ITPR3: variants seen among roughly 807,000 people sequenced by gnomAD.
ITPR3 encodes inositol 1,4,5-trisphosphate receptor type 3.
ITPR3 carries 173 observed loss-of-function variants against 293.2 expected under a neutral mutation model. That is an observed-to-expected ratio of 0.59 (90% CI 0.52 to 0.67). ITPR3 has a LOEUF of 0.67. ITPR3 is among the 30% of genes least tolerant of loss of function. The pLI, the probability that ITPR3 is intolerant of heterozygous loss-of-function variation, is 0.00. For missense variants in ITPR3, 2,796 were observed against 3,592.1 expected (o/e 0.78, Z 5.66); for synonymous variants, 1,295 against 1,444.4 (o/e 0.90, Z 2.35).
rs887942750 is a variant in ITPR3, at chr6:33,669,220, A to G, written c.2189+64A>G. 5.2e-6 allele frequency: 8 copies of G among 1,525,150 alleles called. No homozygotes were observed. The African/African-American group carries it at 1.1e-4, about 21-fold the overall frequency. The allele number at this position is 1,525,150 out of a possible 1,614,324, so 94.5% of individuals were successfully genotyped here. On this transcript the variant is annotated intron_variant, in intron 18 of 57. Transcript: ENST00000605930. ...CTTTGGGCCTTCTCAGTAGGCCGTC[A>G]GTCAATCCCTGCTGAGGATGAGCTC...
chr6:33,663,368 T>C, intron 9 of ITPR3, 132 bp from the exon 10 acceptor site: 1 of 785,912 alleles, frequency 1.3e-6, no homozygotes, highest in East Asian at 2.7e-5. Context: ...TGGAATGATA[T>C]GGGCACCCCT....
Position 33,658,062 on chromosome 6 carries a change from TAAGAGG to T in ITPR3, c.369+45_369+50del. On this transcript the variant is annotated intron_variant, in intron 4 of 57. Transcript: ENST00000605930. The surrounding 1 kb of genome is among the most constrained non-coding windows in gnomAD (Gnocchi z 6.1). ...TCTCCCGCCTGCCCCTCTCCCTGCCTAAGAGGCTGGGCTGGTGCTGGGTGAGGGCTG... is the reference window on the plus strand; with the variant it reads ...TCTCCCGCCTGCCCCTCTCCCTGCCTCTGGGCTGGTGCTGGGTGAGGGCTG... 1 of 1,552,962 alleles carries T rather than the reference TAAGAGG, an allele frequency of 6.4e-7. No homozygotes were observed. The highest frequency in any genetic ancestry group is 8.9e-7 in the Non-Finnish European group (1 of 1,129,252).
rs545128504 is a variant in ITPR3 at position 33,631,786 on chromosome 6, C to A, written c.90-8698C>A. 5.8e-4 allele frequency among the ~76,000 whole-genome samples: 89 copies of A among 152,312 alleles called. 1 individual carries two copies. The highest frequency in any genetic ancestry group is 8.7e-4 in the Non-Finnish European group (59 of 68,034). ...TAACGGGTGCATTCCCAGACACTGGCGTTACCACTTGACCAAGGAGCCCTC... is the reference window on the plus strand; with the variant it reads ...TAACGGGTGCATTCCCAGACACTGGAGTTACCACTTGACCAAGGAGCCCTC... On this transcript the variant is annotated intron_variant, in intron 1 of 57. Transcript: ENST00000605930.
intron 16 of ITPR3, 136 bp downstream of exon 16, chr6:33,668,100 A>G: frequency 9.8e-7 from 1 of 1,025,040 alleles, no homozygotes; most frequent in South Asian, 1.6e-5. Context: ...GTGGCTCAGC[A>G]CTGGGAGGCC....
At chr6:33,669,291 T>G (rs577752985) in intron 18 of ITPR3, 135 bp downstream of exon 18, 25 of 856,246 alleles carry the variant, frequency 2.9e-5, no homozygotes, top group Admixed American at 2.2e-4. Context: ...GCGGAGTCCC[T>G]GCTGTCACTC....
At position 33,624,400 on chromosome 6, in the gene ITPR3, G is replaced by A. The variant is rs1317712265; in HGVS notation, c.89+2709G>A. On this transcript the variant is annotated intron_variant, in intron 1 of 57. Transcript: ENST00000605930. The surrounding 1 kb of genome is among the most constrained non-coding windows in gnomAD (Gnocchi z 4.7). ...AAAGAAGGAATGATTTGTAAGTGCT[G>A]TAAGTAATCAGTCCAGCAGCTTCAG... 2.0e-5 allele frequency among the ~76,000 whole-genome samples: 3 copies of A among 152,226 alleles called. No individual in the cohort carries two copies. Among genetic ancestry groups the A allele is most frequent in the Non-Finnish European group, 2.9e-5 (2 of 68,042 alleles).
At position 33,663,864 on chromosome 6, in the gene ITPR3, G is replaced by C; in HGVS notation, c.1132G>C (p.Asp378His). ...GGACCCCACCACCTTGCAGAAAACC[G>C]ACTCTTTCGTGCCCCGGTGGGTATG... ...ELDPTTLQKT[D>H]SFVPRNSYVR... The change falls in exon 11 of 58, where the codon GAC (aspartate) becomes CAC (histidine). Residue 378 changes from aspartate (D) to histidine (H), a missense_variant. Around this residue, in one of 8 missense-constraint regions of ITPR3, gnomAD observed 955 missense variants for 1,180.8 expected, o/e 0.81. Coordinates refer to ENST00000605930, the MANE Select transcript of ITPR3 (RefSeq NM_002224.4). The C allele has an allele frequency of 6.2e-7, 1 of 1,614,124 alleles. No homozygotes were observed. Among genetic ancestry groups the C allele is most frequent in the Non-Finnish European group, 8.5e-7 (1 of 1,180,012 alleles).
rs201674824 is a variant in ITPR3 at position 33,687,530 on chromosome 6, T to G, written c.6230T>G (p.Ile2077Ser). Residue 2077 changes from isoleucine to serine, a missense_variant, in exon 46 of 58, where the codon ATT becomes AGT. Coordinates refer to ENST00000605930, the MANE Select transcript of ITPR3 (RefSeq NM_002224.4). This position sits in a 1 kb window ranked among gnomAD's most constrained non-coding sequence, Gnocchi z 5.3. ...CACCTGCTGAAGCCGGTGAAGCGCA[T>G]TCAAGAGGAGGAGGCCGAGGGTATC... ...LQHLLKPVKRIQEEEAEGISS... is the reference protein window; with the variant it reads ...LQHLLKPVKRSQEEEAEGISS... 9.9e-5 allele frequency: 159 copies of G among 1,612,700 alleles called. 1 individual carries two copies. The East Asian group carries it at 3.5e-3, about 35-fold the overall frequency.
intron 25 of ITPR3, among the ~76,000 whole-genome samples, 186 bp from the exon 26 acceptor site, chr6:33,676,582 G>A (rs1351648736): frequency 6.6e-6 from 1 of 152,196 alleles, no homozygotes; most frequent in Non-Finnish European, 1.5e-5. Context: ...TGGCCAGCAG[G>A]GAAGGCTTCC....
intron 3 of ITPR3, among the ~76,000 whole-genome samples, chr6:33,657,696 C>T (rs567102362): frequency 7.2e-5 from 11 of 151,994 alleles, no homozygotes; most frequent in Non-Finnish European, 1.3e-4. Flanking sequence ...AGGGATTTGG[C>T]TCCCTGGGCT....
At chr6:33,668,834 C>G (rs890110092) in intron 17 of ITPR3, 140 bp from the exon 18 acceptor site, 4 of 1,171,128 alleles carry the variant, frequency 3.4e-6, no homozygotes, top group Non-Finnish European at 3.6e-6. Context: ...GAATGAGCCA[C>G]GGACCCTGCC....
chr6:33,693,273 C>T (rs935028344), intron 55 of ITPR3, among the ~76,000 whole-genome samples: 1 of 151,126 alleles, frequency 6.6e-6, no homozygotes, highest in African/African-American at 2.5e-5. Context: ...TTCAGCCATT[C>T]GGGCTTCCCC....
chr6:33,676,762 C>T lies in ITPR3; in HGVS notation c.3283-6C>T, dbSNP rs764952611. The stretch of plus-strand genomic sequence containing the variant: ...CTCACCAGCCAGGCCCATCCTCCAC[C>T]TTCAGGTTCAGCTGCTGATCTCAGC... On this transcript the variant is annotated splice_region_variant and splice_polypyrimidine_tract_variant and intron_variant, in intron 25 of 57. Transcript: ENST00000605930. 5 of 1,613,912 alleles carry T rather than the reference C, an allele frequency of 3.1e-6. No homozygotes were observed. The highest frequency in any genetic ancestry group is 2.2e-5 in the East Asian group (1 of 44,890).
At chr6:33,665,274 A>G in intron 13 of ITPR3, 61 bp downstream of exon 13, 2 of 1,569,108 alleles carry the variant, frequency 1.3e-6, no homozygotes, top group East Asian at 4.5e-5. Context: ...CCTGCATTTC[A>G]TGAAGAAAGG....
intron 2 of ITPR3, among the ~76,000 whole-genome samples, chr6:33,642,499 C>T (rs1236276442): frequency 6.6e-6 from 1 of 152,010 alleles, no homozygotes; most frequent in Non-Finnish European, 1.5e-5. Context: ...TGTGTGTGGG[C>T]AGCTGTGTGG....
chr6:33,662,806 G>T, intron 8 of ITPR3, 105 bp from the exon 9 acceptor site: 1 of 1,489,878 alleles, frequency 6.7e-7, no homozygotes. Context: ...AAAGGCCAGA[G>T]AGGGTCCAGA....
Position 33,678,521 on chromosome 6 carries a change from T to A in ITPR3, c.3749T>A (p.Leu1250Gln). ...PGNQALLHKH[L>Q]HLFLTPGLLE... ...AACCAGGCCCTGCTGCACAAACACC[T>A]GCACCTCTTCCTCACGCCAGGGGTG... Residue 1250 changes from leucine to glutamine, a missense_variant, in exon 29 of 58, where the codon CTG becomes CAG. Physicochemically the swap from Leu to Gln is moderately radical, Grantham distance 113. This residue lies in a region of ITPR3 where 344 missense variants were observed against 460.3 expected (regional missense o/e 0.75). Transcript: ENST00000605930. 6.3e-7 allele frequency: 1 copy of A among 1,583,444 alleles called. No individual in the cohort carries two copies. Among genetic ancestry groups the A allele is most frequent in the Non-Finnish European group, 8.6e-7 (1 of 1,163,280 alleles).
chr6:33,669,001 A>G lies in ITPR3; in HGVS notation c.2034A>G (p.Gln678=). Residue 678 remains glutamine, a synonymous_variant, in exon 18 of 58, where the codon CAA becomes CAG. Coordinates refer to ENST00000605930, the MANE Select transcript of ITPR3 (RefSeq NM_002224.4). Reference sequence around the variant, plus strand: ...TTCGGCCCGTGAAGGAGATGGCCCAATCCCACGAGTACCTGAGCATCGAGT... The same window carrying G: ...TTCGGCCCGTGAAGGAGATGGCCCAGTCCCACGAGTACCTGAGCATCGAGT... ...TELRPVKEMA[Q]SHEYLSIEYS... 2 of 1,613,992 alleles carry G rather than the reference A, an allele frequency of 1.2e-6. No individual in the cohort carries two copies. The highest frequency in any genetic ancestry group is 1.7e-6 in the Non-Finnish European group (2 of 1,179,998).
Position 33,670,690 on chromosome 6 carries a change from G to A in ITPR3, c.2461G>A (p.Ala821Thr), listed in dbSNP as rs747839088. ...TIKDYDSNLN[A>T]SRDDKKNKFA... ...CCTCAGCTATGATTCCAACCTCAACGCGTCCCGAGATGACAAGAAGAACAA... is the reference window on the plus strand; with the variant it reads ...CCTCAGCTATGATTCCAACCTCAACACGTCCCGAGATGACAAGAAGAACAA... The change falls in exon 20 of 58, where the codon GCG (alanine) becomes ACG (threonine). Residue 821 changes from alanine (A) to threonine (T), a missense_variant. Ala to Thr is a moderately conservative substitution (Grantham distance 58, BLOSUM62 0). Transcript: ENST00000605930. This position sits in a 1 kb window ranked among gnomAD's most constrained non-coding sequence, Gnocchi z 6.7. 1.2e-6 allele frequency: 2 copies of A among 1,614,098 alleles called. No individual in the cohort carries two copies. Among genetic ancestry groups the A allele is most frequent in the Admixed American group, 1.7e-5 (1 of 60,020 alleles).
Sources: gnomAD v4.1 joint callset for allele counts (sites outside exome capture counted in the v4.1 genomes callset) on GRCh38, gnomAD v4.1.1 for gene constraint, gnomAD v4.1.1 regional missense constraint, Gnocchi (gnomAD v3.1) non-coding constraint, MANE v1.5 for transcripts, NCBI Gene and HGNC (gene_info 2026-07-23, HGNC 2026-07-21) for gene names.